Variants in OCA2 observed in about 807,000 individuals in gnomAD.
The protein encoded by OCA2 is OCA2 melanosomal transmembrane protein.
OCA2 carries 77 observed loss-of-function variants against 100.2 expected under a neutral mutation model. The ratio of observed to expected loss-of-function variants is 0.77; its 90% CI spans 0.64 to 0.93. OCA2 has a LOEUF of 0.93. Ranked by LOEUF, OCA2 falls within the 40% of genes least tolerant of loss-of-function variation. OCA2 has a pLI of 0.00. For missense variants in OCA2, 1,062 were observed against 1,089.1 expected, an observed-to-expected ratio of 0.98 and a Z score of 0.35; for synonymous variants, 432 against 439.2, an observed-to-expected ratio of 0.98 and a Z score of 0.21.
At chr15:27,940,382 T>C (rs557379593) in intron 18 of OCA2, among the ~76,000 whole-genome samples, 13 of 152,298 alleles carry the variant, frequency 8.5e-5, no homozygotes, top group South Asian at 2.1e-4. Flanking sequence ...AACCCGGCCA[T>C]TGGGCCATGA....
chr15:27,989,696 A>G, intron 10 of OCA2, 30 bp from the exon 11 acceptor site: 1 of 1,605,270 alleles, frequency 6.2e-7, no homozygotes. Context: ...TTGCCAATTA[A>G]TCCGTGCGCC....
intron 1 of OCA2, among the ~76,000 whole-genome samples, chr15:28,093,016 G>A (rs1207900256): frequency 1.3e-5 from 2 of 152,014 alleles, no homozygotes; most frequent in African/African-American, 4.8e-5. Flanking sequence ...AGTAAAATGG[G>A]CAAAGATTTC....
chr15:27,784,807 C>A (rs1439274678), intron 23 of OCA2, among the ~76,000 whole-genome samples: 1 of 151,538 alleles, frequency 6.6e-6, no homozygotes, highest in Non-Finnish European at 1.5e-5. Flanking sequence ...CAGAAAAAAA[C>A]AACCAGCAGA....
At chr15:27,791,559 C>T (rs957496583) in intron 23 of OCA2, among the ~76,000 whole-genome samples, 2 of 152,170 alleles carry the variant, frequency 1.3e-5, no homozygotes, top group South Asian at 2.1e-4. Context: ...AGACCTGCTG[C>T]GTGTCTTAGT....
chr15:28,027,901 G>GGGCT lies in OCA2; in HGVS notation c.481_484dup (p.Pro162GlnfsTer60). ...CTTGGAAAGACGGAGTCGGATGTGCGGGCTGTCCAGAAGGTCTCCCTTCTC... is the reference window on the plus strand; with the variant it reads ...CTTGGAAAGACGGAGTCGGATGTGCGGGCTGGCTGTCCAGAAGGTCTCCCTTCTC... On this transcript the variant is annotated frameshift_variant, in exon 4 of 24. Coordinates refer to ENST00000354638, the MANE Select transcript of OCA2 (RefSeq NM_000275.3). LOFTEE classifies it high-confidence loss of function. 3 of 1,613,594 alleles carry GGGCT rather than the reference G, an allele frequency of 1.9e-6. No homozygotes were observed. The highest frequency in any genetic ancestry group is 2.5e-6 in the Non-Finnish European group (3 of 1,180,014).
intron 6 of OCA2, 35 bp from the exon 7 acceptor site, chr15:28,018,592 A>G (rs1393382058): frequency 2.5e-6 from 4 of 1,605,554 alleles, no homozygotes; most frequent in Non-Finnish European, 2.5e-6. Context: ...CAAGGCAGAC[A>G]GGAGAAACCC....
At chr15:28,065,063 A>T (rs1487267767) in intron 2 of OCA2, among the ~76,000 whole-genome samples, 1 of 152,118 alleles carries the variant, frequency 6.6e-6, no homozygotes, top group Non-Finnish European at 1.5e-5. Context: ...CAATACCAGG[A>T]GATTTTACAA....
chr15:28,081,579 G>A (rs910715256), intron 2 of OCA2, 69 bp downstream of exon 2: 50 of 1,455,884 alleles, frequency 3.4e-5, no homozygotes, highest in Admixed American at 5.6e-5. Context: ...AAACGTGGGG[G>A]AACGATGCTC....
intron 5 of OCA2, among the ~76,000 whole-genome samples, chr15:28,023,912 G>T (rs1189518365): frequency 6.6e-6 from 1 of 152,022 alleles, no homozygotes; most frequent in Non-Finnish European, 1.5e-5. Flanking sequence ...ATACACCCAC[G>T]TGCAGACACG....
At chr15:27,875,553 T>C (rs893048488) in intron 19 of OCA2, among the ~76,000 whole-genome samples, 6 of 152,234 alleles carry the variant, frequency 3.9e-5, no homozygotes, top group Admixed American at 6.5e-5. Flanking sequence ...AAAAACCTAG[T>C]TCAATTTTTA....
At chr15:28,038,094 C>T (rs1377280141) in intron 2 of OCA2, among the ~76,000 whole-genome samples, 1 of 152,198 alleles carries the variant, frequency 6.6e-6, no homozygotes, top group Admixed American at 6.5e-5. Flanking sequence ...TCCTCTCTTT[C>T]TCTCTCCCTC....
chr15:27,912,868 G>A (rs910545307), intron 19 of OCA2, among the ~76,000 whole-genome samples: 4 of 152,146 alleles, frequency 2.6e-5, no homozygotes, highest in African/African-American at 4.8e-5. Flanking sequence ...CCAAGTGATC[G>A]ATGTTAACAC....
chr15:27,790,533 G>C (rs1197476559), intron 23 of OCA2, among the ~76,000 whole-genome samples: 1 of 152,122 alleles, frequency 6.6e-6, no homozygotes, highest in Admixed American at 6.5e-5. Flanking sequence ...GGAGGAAACT[G>C]GATTCCATTT....
intron 2 of OCA2, among the ~76,000 whole-genome samples, chr15:28,071,188 A>AAAAAAG (rs1555389499): frequency 6.7e-6 from 1 of 149,070 alleles, no homozygotes; most frequent in African/African-American, 2.5e-5. Flanking sequence ...AAAAAAAAGA[A>AAAAAAG]AAACACCTAG....
chr15:27,942,350 C>T (rs934423721), intron 18 of OCA2, among the ~76,000 whole-genome samples: 1 of 151,566 alleles, frequency 6.6e-6, no homozygotes, highest in Non-Finnish European at 1.5e-5. Flanking sequence ...ATCCATGATG[C>T]AACACGGATG....
chr15:27,792,189 G>T (rs936366061), intron 23 of OCA2, among the ~76,000 whole-genome samples: 3 of 152,180 alleles, frequency 2.0e-5, no homozygotes, highest in Non-Finnish European at 2.9e-5. Context: ...GTAGAGGAGG[G>T]ACCATCTTCT....
In OCA2 at chr15:27,851,118, G is replaced by A. The variant is rs150296000; in HGVS notation, c.2338+264C>T. 1.5e-3 allele frequency among the ~76,000 whole-genome samples: 232 copies of A among 152,256 alleles called. 3 individuals carry two copies. Among genetic ancestry groups the A allele is most frequent in the African/African-American group, 4.7e-3 (197 of 41,542 alleles). On this transcript the variant is annotated intron_variant, in intron 22 of 23. Transcript: ENST00000354638. ...CTAAGCACGACCCACACAGGCACAC[G>A]GCGGGAACACATTAGCTGTGAAGCA...
chr15:27,854,641 G>A (rs968345042), intron 21 of OCA2, among the ~76,000 whole-genome samples: 5 of 152,308 alleles, frequency 3.3e-5, no homozygotes, highest in South Asian at 4.1e-4. Flanking sequence ...TGATAAACGC[G>A]ATTATCATAG....
chr15:28,042,912 CT>C (rs1214982085), intron 2 of OCA2, among the ~76,000 whole-genome samples: 4 of 152,036 alleles, frequency 2.6e-5, no homozygotes, highest in African/African-American at 9.7e-5. Flanking sequence ...GCAGTGCCCC[CT>C]AATTGGAAAA....
Sources: allele counts gnomAD v4.1 joint callset (sites outside exome capture counted in the v4.1 genomes callset), GRCh38; gene constraint gnomAD v4.1.1; transcripts MANE v1.5; gene names NCBI Gene and HGNC (gene_info 2026-07-23, HGNC 2026-07-21).